Variants in TMEM131L observed in about 807,000 individuals in gnomAD.
TMEM131L encodes transmembrane 131 like.
In TMEM131L, 54 loss-of-function variants were observed where a neutral mutation model predicts 192.2. The ratio of observed to expected loss-of-function variants is 0.28; its 90% CI spans 0.23 to 0.35. The LOEUF is 0.35. Ranked by LOEUF, TMEM131L falls within the 10% of genes least tolerant of loss-of-function variation. TMEM131L has a pLI of 1.00. For missense variants in TMEM131L, 1,888 were observed against 1,972.9 expected (o/e 0.96, Z 0.82); for synonymous variants, 701 against 704.9 (o/e 0.99, Z 0.09).
At chr4:153,594,402 G>T (rs35988013) in intron 19 of TMEM131L, among the ~76,000 whole-genome samples, 3 of 151,714 alleles carry the variant, frequency 2.0e-5, no homozygotes, top group Non-Finnish European at 4.4e-5. Flanking sequence ...CATGTCATGT[G>T]GTGAAGATGC....
chr4:153,613,685 A>C (rs754212332), intron 26 of TMEM131L, among the ~76,000 whole-genome samples: 54 of 152,180 alleles, frequency 3.5e-4, no homozygotes, highest in Non-Finnish European at 2.9e-4. Context: ...CTAGTGTTAT[A>C]AATTATTCCC....
chr4:153,566,983 T>A (rs890382987), intron 7 of TMEM131L, among the ~76,000 whole-genome samples: 2 of 152,254 alleles, frequency 1.3e-5, no homozygotes, highest in African/African-American at 4.8e-5. Flanking sequence ...GGTCCCGGGC[T>A]GCCTACAGCG....
At chr4:153,563,456 CTTTTTTTTTTTTTTTT>C (rs1177255196) in intron 7 of TMEM131L, among the ~76,000 whole-genome samples, 2 of 88,198 alleles carry the variant, frequency 2.3e-5, no homozygotes, top group Non-Finnish European at 4.5e-5. Context: ...GATATGTACC[CTTTTTTTTTTTTTTTT>C]TTTTTTTTTT....
intron 3 of TMEM131L, among the ~76,000 whole-genome samples, chr4:153,498,055 C>G (rs1415423629): frequency 1.3e-5 from 2 of 152,042 alleles, no homozygotes; most frequent in Non-Finnish European, 2.9e-5. Context: ...TTTATTGTGT[C>G]GGATTTAAGG....
At chr4:153,630,083 G>A (rs1734111157) in intron 31 of TMEM131L, among the ~76,000 whole-genome samples, 1 of 152,202 alleles carries the variant, frequency 6.6e-6, no homozygotes, top group South Asian at 2.1e-4. Context: ...AAAGGAGCCA[G>A]TGTTGCTTCT....
intron 7 of TMEM131L, among the ~76,000 whole-genome samples, chr4:153,575,397 G>T (rs1394843409): frequency 6.6e-6 from 1 of 152,098 alleles, no homozygotes; most frequent in Non-Finnish European, 1.5e-5. Flanking sequence ...TTTTATCTTG[G>T]TATGGTTTTC....
chr4:153,632,701 C>T lies in TMEM131L; in HGVS notation c.4208-17C>T. ...AGGTGAGGATAGGGTGGACTCAGGC[C>T]TTGTTCTCTTCCGTAGGTCTTTACT... On this transcript the variant is annotated splice_polypyrimidine_tract_variant and intron_variant, in intron 31 of 34. Coordinates refer to ENST00000409959, the MANE Select transcript of TMEM131L (RefSeq NM_001131007.2). 1 of 1,613,926 alleles carries T rather than the reference C, an allele frequency of 6.2e-7. No individual in the cohort carries two copies. Among genetic ancestry groups the T allele is most frequent in the East Asian group, 2.2e-5 (1 of 44,868 alleles).
intron 3 of TMEM131L, among the ~76,000 whole-genome samples, chr4:153,493,036 G>C (rs77319919): frequency 0.018 from 2,691 of 152,248 alleles, 39 homozygotes; most frequent in Non-Finnish European, 0.027. Flanking sequence ...AGGTAGGGTA[G>C]TAGCTCAGTG....
chr4:153,587,878 T>A, intron 15 of TMEM131L, 67 bp downstream of exon 15: 1 of 1,085,366 alleles, frequency 9.2e-7, no homozygotes, highest in East Asian at 2.4e-5. Context: ...GTGAGGAAAA[T>A]TAGCATTTGT....
In TMEM131L at chr4:153,623,041, G is replaced by T. The variant is rs1190566138; in HGVS notation, c.4003G>T (p.Asp1335Tyr). 1.2e-6 allele frequency: 2 copies of T among 1,613,386 alleles called. No individual in the cohort carries two copies. ...GAGCAGCACCAGCAGCTCCGACGGG[G>T]ATAAGAAGCCCATGGTGGACGCCCA... ...SWSSTSSSDG[D>Y]KKPMVDAQHF... The change falls in exon 29 of 35, where the codon GAT (aspartate) becomes TAT (tyrosine). Residue 1335 changes from aspartate (D) to tyrosine (Y), a missense_variant. Transcript: ENST00000409959.
intron 28 of TMEM131L, 68 bp downstream of exon 28, chr4:153,621,917 A>G (rs1260294379): frequency 3.1e-5 from 45 of 1,439,494 alleles, no homozygotes; most frequent in South Asian, 6.1e-5. Context: ...TGAAGTATCT[A>G]ATAAGAGAAA....
intron 3 of TMEM131L, among the ~76,000 whole-genome samples, chr4:153,485,666 A>C (rs2149830380): frequency 6.6e-6 from 1 of 152,320 alleles, no homozygotes; most frequent in Non-Finnish European, 1.5e-5. Flanking sequence ...ATTACAATCC[A>C]AACAGTGTTC....
rs771960860 is a variant in TMEM131L, at chr4:153,621,745, G to T, written c.3755G>T (p.Ser1252Ile). The T allele has an allele frequency of 1.2e-6, 2 of 1,614,182 alleles. No homozygotes were observed. Among genetic ancestry groups the T allele is most frequent in the South Asian group, 2.2e-5 (2 of 91,076 alleles). ...CSDFERSELS[S>I]DINVRSWCIQ... ...GACTTTGAGAGGTCTGAGCTGAGCA[G>T]TGACATCAATGTAAGAAGCTGGTGT... Residue 1252 changes from serine (S) to isoleucine (I), a missense_variant, in exon 28 of 35, where the codon AGT becomes ATT. By Grantham distance (142) the Ser-to-Ile change is moderately radical. Transcript: ENST00000409959.
chr4:153,550,607 C>T (rs7660010), intron 4 of TMEM131L, among the ~76,000 whole-genome samples: 69,012 of 152,074 alleles, frequency 0.45, 18,502 homozygotes, highest in African/African-American at 0.75. Flanking sequence ...ATTACAGGCG[C>T]GAGCCACCAC....
chr4:153,504,309 C>A (rs1430676694), intron 3 of TMEM131L, among the ~76,000 whole-genome samples: 1 of 81,848 alleles, frequency 1.2e-5, no homozygotes, highest in Non-Finnish European at 2.2e-5. Flanking sequence ...GAGACAGAGT[C>A]TCGCCTGTTG....
chr4:153,507,303 C>T (rs758499309), intron 3 of TMEM131L, among the ~76,000 whole-genome samples: 5 of 152,200 alleles, frequency 3.3e-5, no homozygotes, highest in South Asian at 2.1e-4. Context: ...TGTTAGTAGC[C>T]GAGGCAAACC....
At chr4:153,535,205 A>G (rs1736222164) in intron 3 of TMEM131L, among the ~76,000 whole-genome samples, 2 of 152,266 alleles carry the variant, frequency 1.3e-5, no homozygotes, top group South Asian at 2.1e-4. Flanking sequence ...GAGAAAGAGA[A>G]CAGTTAGGGA....
At position 153,555,744 on chromosome 4, in the gene TMEM131L, A is replaced by G. The variant is rs1471504167; in HGVS notation, c.309-43A>G. The G allele has an allele frequency of 2.0e-6, 3 of 1,509,250 alleles. No homozygotes were observed. Among genetic ancestry groups the G allele is most frequent in the Admixed American group, 2.0e-5 (1 of 50,194 alleles). The allele number at this position is 1,509,250 out of a possible 1,614,324, so 93.5% of individuals were successfully genotyped here. On this transcript the variant is annotated intron_variant, in intron 4 of 34. Transcript: ENST00000409959. The surrounding 1 kb of genome is among the most constrained non-coding windows in gnomAD (Gnocchi z 4.1). ...CATATATATGTATGGTAATATTTAT[A>G]ACCACACAATACATTGATTTTTCTC...
At chr4:153,583,270 A>T (rs1730483595) in intron 10 of TMEM131L, 22 bp downstream of exon 10, 1 of 1,229,694 alleles carries the variant, frequency 8.1e-7, no homozygotes, top group African/African-American at 1.5e-5. Flanking sequence ...TGCTTACCTA[A>T]AGTAACTTTT....
Sources: allele counts gnomAD v4.1 joint callset (sites outside exome capture counted in the v4.1 genomes callset), GRCh38; gene constraint gnomAD v4.1.1; non-coding constraint Gnocchi (gnomAD v3.1); transcripts MANE v1.5; gene names NCBI Gene and HGNC (gene_info 2026-07-23, HGNC 2026-07-21).